Variants in JAM3 observed in about 807,000 individuals in gnomAD.
JAM3 encodes the protein junctional adhesion molecule 3.
JAM3 carries 31 observed loss-of-function variants against 39.4 expected under a neutral mutation model. That is an observed-to-expected ratio of 0.79 (90% confidence interval 0.59 to 1.06). The LOEUF is 1.06. Ranked by LOEUF, JAM3 falls within the 50% of genes least tolerant of loss-of-function variation. JAM3 has a pLI of 0.00. For missense variants in JAM3, 455 were observed against 391.4 expected, an observed-to-expected ratio of 1.16 and a Z score of -1.37; for synonymous variants, 182 against 148.7, an observed-to-expected ratio of 1.22 and a Z score of -1.63.
chr11:134,103,242 A>C (rs1194515113), intron 1 of JAM3, among the ~76,000 whole-genome samples: 3 of 152,168 alleles, frequency 2.0e-5, no homozygotes, highest in African/African-American at 7.2e-5. Context: ...TCAACCCAGA[A>C]TTTCATATCC....
intron 1 of JAM3, among the ~76,000 whole-genome samples, chr11:134,081,838 A>G (rs1347765710): frequency 6.6e-6 from 1 of 152,236 alleles, no homozygotes; most frequent in Non-Finnish European, 1.5e-5. Context: ...TGGAAAAGCC[A>G]CAGACACTGA....
intron 1 of JAM3, among the ~76,000 whole-genome samples, chr11:134,118,428 A>C (rs1035906925): frequency 5.3e-5 from 8 of 152,138 alleles, no homozygotes; most frequent in Admixed American, 2.0e-4. Context: ...CAAGTGCTGT[A>C]CAGTTCCATC....
At chr11:134,072,559 C>T (rs1262252768) in intron 1 of JAM3, among the ~76,000 whole-genome samples, 3 of 152,210 alleles carry the variant, frequency 2.0e-5, no homozygotes, top group Non-Finnish European at 4.4e-5. Flanking sequence ...ACCTGCCCGC[C>T]TTGGCCTACC....
chr11:134,110,048 A>G (rs1464849396), intron 1 of JAM3, among the ~76,000 whole-genome samples: 4 of 152,202 alleles, frequency 2.6e-5, no homozygotes, highest in Non-Finnish European at 5.9e-5. Flanking sequence ...TGGAAAATAA[A>G]TACAAGATGC....
chr11:134,125,961 G>A (rs765417092), intron 1 of JAM3, among the ~76,000 whole-genome samples: 1 of 152,106 alleles, frequency 6.6e-6, no homozygotes, highest in South Asian at 2.1e-4. Context: ...CTTCACACTT[G>A]CTCTATGTCA....
intron 1 of JAM3, among the ~76,000 whole-genome samples, chr11:134,084,181 C>T (rs1941710257): frequency 6.6e-6 from 1 of 152,176 alleles, no homozygotes; most frequent in Non-Finnish European, 1.5e-5. Flanking sequence ...ACCTCAAATG[C>T]AGGTCATGAT....
chr11:134,069,201 G>A, intron 1 of JAM3, 42 bp downstream of exon 1: 6 of 1,603,042 alleles, frequency 3.7e-6, no homozygotes, highest in Non-Finnish European at 5.1e-6. Flanking sequence ...TAGGGTCTGG[G>A]GGCGACGGAA....
At chr11:134,107,233 C>T (rs1057061019) in intron 1 of JAM3, among the ~76,000 whole-genome samples, 49 of 151,938 alleles carry the variant, frequency 3.2e-4, no homozygotes, top group African/African-American at 9.9e-4. Flanking sequence ...ATCGCAAGGA[C>T]AAAAAACCAA....
chr11:134,093,057 G>A (rs1259152555), intron 1 of JAM3, among the ~76,000 whole-genome samples: 2 of 130,886 alleles, frequency 1.5e-5, no homozygotes, highest in Admixed American at 7.4e-5. Flanking sequence ...TATTCATCAT[G>A]TTCCACCTTA....
intron 1 of JAM3, among the ~76,000 whole-genome samples, chr11:134,087,564 A>G (rs1048458781): frequency 1.3e-5 from 2 of 152,172 alleles, no homozygotes; most frequent in Admixed American, 1.3e-4. Context: ...TAGCTATATA[A>G]GGTACTTTTT....
At chr11:134,138,746 A>G (rs1489885495) in intron 1 of JAM3, among the ~76,000 whole-genome samples, 2 of 152,262 alleles carry the variant, frequency 1.3e-5, no homozygotes, top group South Asian at 4.1e-4. Context: ...TTAGGAACCA[A>G]TAGCAATTCA....
At chr11:134,113,249 T>G (rs1292082976) in intron 1 of JAM3, among the ~76,000 whole-genome samples, 2 of 152,036 alleles carry the variant, frequency 1.3e-5, no homozygotes, top group Non-Finnish European at 2.9e-5. Flanking sequence ...ACGTGCAGGT[T>G]TGTTACATAT....
intron 3 of JAM3, among the ~76,000 whole-genome samples, chr11:134,141,816 C>T (rs1565504468): frequency 6.6e-6 from 1 of 152,018 alleles, no homozygotes; most frequent in Non-Finnish European, 1.5e-5. Flanking sequence ...CTTTTTCTGA[C>T]AGGAGGGCGG....
chr11:134,079,787 A>G (rs1941633546), intron 1 of JAM3, among the ~76,000 whole-genome samples: 1 of 152,208 alleles, frequency 6.6e-6, no homozygotes. Context: ...ATAATTTGTA[A>G]CTGATTAATT....
Position 134,140,588 on chromosome 11 carries a change from G to T in JAM3, c.143-69G>T. ...GGCCTCTTGAATTAGAGCTTGCAGG[G>T]TCTGGGTGCAGCTGAACGTAGAAGC... On this transcript the variant is annotated intron_variant, in intron 2 of 8. Coordinates refer to ENST00000299106, the MANE Select transcript of JAM3 (RefSeq NM_032801.5). 7 of 1,262,988 alleles carry T rather than the reference G, an allele frequency of 5.5e-6. No homozygotes were observed. The South Asian group carries it at 6.0e-5, about 11-fold the overall frequency. 78.2% of individuals were successfully genotyped at this position (1,262,988 alleles called of 1,614,324 possible).
chr11:134,108,088 C>T (rs1942234194), intron 1 of JAM3, among the ~76,000 whole-genome samples: 1 of 151,722 alleles, frequency 6.6e-6, no homozygotes, highest in Admixed American at 6.6e-5. Flanking sequence ...AGAAAAGAAA[C>T]AAGTTAACAA....
chr11:134,148,597 G>GTAC lies in JAM3; in HGVS notation c.765_767dup (p.Leu256dup), dbSNP rs766900201. 3.7e-6 allele frequency: 6 copies of GTAC among 1,614,024 alleles called. No homozygotes were observed. In the African/African-American group the frequency reaches 8.0e-5, roughly 22 times the overall value. On this transcript the variant is annotated inframe_insertion, in exon 7 of 9. Transcript: ENST00000299106. ...TGGGGGGGTTCTGGTTGTCCTTGCTGTACTGGCCCTGATCACGTTGGGCAT... is the reference window on the plus strand; with the variant it reads ...TGGGGGGGTTCTGGTTGTCCTTGCTGTACTACTGGCCCTGATCACGTTGGGCAT...
At chr11:134,095,966 C>G (rs908881201) in intron 1 of JAM3, among the ~76,000 whole-genome samples, 1 of 152,068 alleles carries the variant, frequency 6.6e-6, no homozygotes. Context: ...ATGTCAGTTG[C>G]CATGCATTTT....
intron 6 of JAM3, among the ~76,000 whole-genome samples, chr11:134,147,031 C>T (rs765316040): frequency 1.2e-4 from 18 of 152,178 alleles, no homozygotes; most frequent in East Asian, 3.9e-4. Context: ...ACAAGCGTTC[C>T]GAAGGATTCT....
Sources: gnomAD v4.1 joint callset for allele counts (sites outside exome capture counted in the v4.1 genomes callset) on GRCh38, gnomAD v4.1.1 for gene constraint, MANE v1.5 for transcripts, NCBI Gene and HGNC (gene_info 2026-07-23, HGNC 2026-07-21) for gene names.